The following HTRA3 variants were observed in gnomAD, a reference collection of about 807,000 sequenced individuals.
HTRA3 encodes serine protease HTRA3.
In HTRA3, 41 loss-of-function variants were observed where a neutral mutation model predicts 43.2. The ratio of observed to expected loss-of-function variants is 0.95; its 90% CI spans 0.74 to 1.23. The LOEUF (loss-of-function observed/expected upper bound fraction) is 1.23. Among genes scored for constraint, HTRA3 ranks in the 50% most tolerant of loss-of-function variants. HTRA3 has a pLI of 0.00. For synonymous variants in HTRA3, 295 were observed against 287.9 expected (o/e 1.02, Z -0.25); for missense variants, 628 against 647.1 (o/e 0.97, Z 0.32).
chr4:8,270,116 T>C lies in HTRA3; in HGVS notation c.148T>C (p.Cys50Arg). ...CGGCTACGTGCCCGACCTCTGCAACTGCTGCCTGGTGTGCGCCGCCAGCGA... is the reference window on the plus strand; with the variant it reads ...CGGCTACGTGCCCGACCTCTGCAACCGCTGCCTGGTGTGCGCCGCCAGCGA... ...PGGYVPDLCN[C>R]CLVCAASEGE... Residue 50 changes from cysteine to arginine, a missense_variant, in exon 1 of 9, where the codon TGC becomes CGC. By Grantham distance (180) the Cys-to-Arg change is radical (BLOSUM62 -3). Transcript: ENST00000307358. The C allele has an allele frequency of 6.5e-7, 1 of 1,544,540 alleles. No homozygotes were observed. Among genetic ancestry groups the C allele is most frequent in the Non-Finnish European group, 8.6e-7 (1 of 1,157,368 alleles).
chr4:8,282,738 T>G (rs1189185311), intron 2 of HTRA3, among the ~76,000 whole-genome samples: 4 of 152,250 alleles, frequency 2.6e-5, no homozygotes, highest in Admixed American at 1.3e-4. Flanking sequence ...ACTCCGCACC[T>G]GCTGGAGCTG....
At chr4:8,283,054 A>G (rs1712819522) in intron 2 of HTRA3, among the ~76,000 whole-genome samples, 1 of 152,162 alleles carries the variant, frequency 6.6e-6, no homozygotes, top group Admixed American at 6.5e-5. Flanking sequence ...GCTCGCAAGC[A>G]CCGAGGCCCG....
chr4:8,275,020 G>A (rs1186923459), intron 1 of HTRA3, among the ~76,000 whole-genome samples: 1 of 152,162 alleles, frequency 6.6e-6, no homozygotes, highest in Non-Finnish European at 1.5e-5. Flanking sequence ...GCAAGATGAC[G>A]CCTCCCCTCC....
chr4:8,285,360 G>A (rs957709806), intron 2 of HTRA3, among the ~76,000 whole-genome samples: 1 of 152,172 alleles, frequency 6.6e-6, no homozygotes, highest in Admixed American at 6.5e-5. Context: ...GGTGGCATTC[G>A]CTGCCATCTC....
Position 8,301,132 on chromosome 4 carries a change from CTCT to C in HTRA3, c.1052-1329_1052-1327del, listed in dbSNP as rs572718844. Among the ~76,000 whole-genome samples, 54 of 131,152 alleles carry C rather than the reference CTCT, an allele frequency of 4.1e-4. No individual in the cohort carries two copies. The South Asian group carries it at 6.1e-3, about 15-fold the overall frequency. The allele number at this position is 131,152 out of a possible 152,430, so 86.0% of individuals were successfully genotyped here. A position where few individuals can be genotyped will look rare whatever the true frequency, so the allele number is the denominator to read the frequency against. ...ACACTCTCAGCTTTATTGAGTCACA[CTCT>C]TATTAGATTCACACTCTTTATTGAC... is the stretch of plus-strand genomic sequence containing the variant. On this transcript the variant is annotated intron_variant, in intron 6 of 8. Coordinates refer to ENST00000307358, the MANE Select transcript of HTRA3 (RefSeq NM_053044.5).
Position 8,295,691 on chromosome 4 carries a change from C to A in HTRA3, c.1051+1490C>A. 1 of 1,420,800 alleles carries A rather than the reference C, an allele frequency of 7.0e-7. No individual in the cohort carries two copies. Among genetic ancestry groups the A allele is most frequent in the Non-Finnish European group, 9.2e-7 (1 of 1,085,352 alleles). 88.0% of individuals were successfully genotyped at this position (1,420,800 alleles called of 1,614,324 possible). A position where few individuals can be genotyped will look rare whatever the true frequency, so the allele number is the denominator to read the frequency against. On this transcript the variant is annotated intron_variant, in intron 6 of 8. Transcript: ENST00000307358. This position sits in a 1 kb window ranked among gnomAD's most constrained non-coding sequence, Gnocchi z 6.9. The stretch of plus-strand genomic sequence containing the variant: ...TTCCACATTGCTTTGCTGTCTCCTC[C>A]CAGCCCCCTCACTGGCAGTTCATTG...
At position 8,288,879 on chromosome 4, in the gene HTRA3, TTCCTTCCTTCCTTCCGTCCG is replaced by T. The variant is rs1202628339; in HGVS notation, c.708+2112_708+2131del. Among the ~76,000 whole-genome samples, 39 of 72,850 alleles carry T rather than the reference TTCCTTCCTTCCTTCCGTCCG, an allele frequency of 5.4e-4. 1 individual carries two copies. The highest frequency in any genetic ancestry group is 2.0e-3 in the South Asian group (3 of 1,474). The allele number at this position is 72,850 out of a possible 152,430, so 47.8% of individuals were successfully genotyped here. On this transcript the variant is annotated intron_variant, in intron 3 of 8. Transcript: ENST00000307358. The stretch of plus-strand genomic sequence containing the variant: ...AGCCACTGCACCCCACCCCCAAATT[TTCCTTCCTTCCTTCCGTCCG>T]TCCTTCCTTCCTTCCTTCCTTCCTT...
chr4:8,291,554 C>T lies in HTRA3; in HGVS notation c.893C>T (p.Ala298Val), dbSNP rs536065217. The T allele has an allele frequency of 2.5e-6, 4 of 1,588,112 alleles. No homozygotes were observed. The Admixed American group carries it at 5.2e-5, about 21-fold the overall frequency. The change falls in exon 4 of 9, where the codon GCC (alanine) becomes GTC (valine). Residue 298 changes from alanine to valine, a missense_variant. Ala to Val is a moderately conservative substitution (Grantham distance 64). Coordinates refer to ENST00000307358, the MANE Select transcript of HTRA3 (RefSeq NM_053044.5). Reference sequence around the variant, plus strand: ...GACATGGACTACATCCAGACGGATGCCATCATCAACGTGAGTCCCAGGGAC... The same window carrying T: ...GACATGGACTACATCCAGACGGATGTCATCATCAACGTGAGTCCCAGGGAC... ...DSDMDYIQTD[A>V]IINYGNSGGP...
At chr4:8,277,502 G>C (rs947475619) in intron 1 of HTRA3, among the ~76,000 whole-genome samples, 2 of 152,226 alleles carry the variant, frequency 1.3e-5, no homozygotes, top group African/African-American at 2.4e-5. Context: ...CCCAGAAGGA[G>C]AGGTGGATCA....
Position 8,286,073 on chromosome 4 carries a change from C to A in HTRA3, c.486-488C>A, listed in dbSNP as rs1712954647. On this transcript the variant is annotated intron_variant, in intron 2 of 8. Coordinates refer to ENST00000307358, the MANE Select transcript of HTRA3 (RefSeq NM_053044.5). This position sits in a 1 kb window ranked among gnomAD's most constrained non-coding sequence, Gnocchi z 4.9. Reference sequence around the variant, plus strand: ...TTTTCCCCTAGGGCCAATTATTGTCCTGTTTGTTGAGAGGCGTTTTAGAGC... The same window carrying A: ...TTTTCCCCTAGGGCCAATTATTGTCATGTTTGTTGAGAGGCGTTTTAGAGC... Among the ~76,000 whole-genome samples the A allele has an allele frequency of 1.3e-5, 2 of 152,190 alleles. No homozygotes were observed. Among genetic ancestry groups the A allele is most frequent in the Admixed American group, 6.5e-5 (1 of 15,284 alleles).
Position 8,306,087 on chromosome 4 carries a change from G to T in HTRA3, c.1313G>T (p.Arg438Leu), listed in dbSNP as rs369124292. 7 of 1,609,166 alleles carry T rather than the reference G, an allele frequency of 4.4e-6. No individual in the cohort carries two copies. The Admixed American group carries it at 1.2e-4, about 27-fold the overall frequency. Residue 438 changes from arginine (R) to leucine (L), a missense_variant, in exon 9 of 9, where the codon CGG becomes CTG. Transcript: ENST00000307358. The surrounding 1 kb of genome is among the most constrained non-coding windows in gnomAD (Gnocchi z 8.9). ...TCTCCTCTCCTACTGGAGGTGCGGC[G>T]GGGGAACGACGACCTCCTCTTCAGC... The part of the protein sequence containing the change: ...TESPLLLEVR[R>L]GNDDLLFSIA...
At position 8,291,653 on chromosome 4, in the gene HTRA3, TC is replaced by T. The variant is rs1713248008; in HGVS notation, c.903+93del. ...TGGTCTCTGACTCGGCTTGCCCCCC[TC>T]CCCAGAGCCATTCTGGCACTCGACA... On this transcript the variant is annotated intron_variant, in intron 4 of 8. Coordinates refer to ENST00000307358, the MANE Select transcript of HTRA3 (RefSeq NM_053044.5). The T allele has an allele frequency of 7.6e-6, 7 of 916,562 alleles. No homozygotes were observed. In the South Asian group the frequency reaches 1.0e-4, roughly 14 times the overall value. 56.8% of individuals were successfully genotyped at this position (916,562 alleles called of 1,614,324 possible). A position where few individuals can be genotyped will look rare whatever the true frequency, so the allele number is the denominator to read the frequency against.
rs1713504759 is a variant in HTRA3, at chr4:8,297,760, G to A, written c.1051+3559G>A. Reference sequence around the variant, plus strand: ...ACCCCCTGGATTTAGAAGCCACCTAGAGAGTGATCCCCCGGATTTACGCCT... The same window carrying A: ...ACCCCCTGGATTTAGAAGCCACCTAAAGAGTGATCCCCCGGATTTACGCCT... On this transcript the variant is annotated intron_variant, in intron 6 of 8. Transcript: ENST00000307358. This position sits in a 1 kb window ranked among gnomAD's most constrained non-coding sequence, Gnocchi z 5.8. Among the ~76,000 whole-genome samples the A allele has an allele frequency of 6.6e-6, 1 of 152,114 alleles. No homozygotes were observed.
At chr4:8,283,675 G>A (rs1712845514) in intron 2 of HTRA3, among the ~76,000 whole-genome samples, 1 of 152,226 alleles carries the variant, frequency 6.6e-6, no homozygotes, top group African/African-American at 2.4e-5. Context: ...ATTCCACCCT[G>A]ATAGGGATCA....
At chr4:8,272,100 C>T (rs75789184) in intron 1 of HTRA3, among the ~76,000 whole-genome samples, 4,145 of 152,264 alleles carry the variant, frequency 0.027, 170 homozygotes, top group African/African-American at 0.094. Flanking sequence ...CACCTCCCCA[C>T]CCCGCTCCCC....
rs963530436 is a variant in HTRA3 at position 8,286,250 on chromosome 4, G to A, written c.486-311G>A. ...TTAGCATCCTGGTCTGTCTGGCTCC[G>A]TGCTCCGTAGTCAGGATGGCGAGTG... On this transcript the variant is annotated intron_variant, in intron 2 of 8. Transcript: ENST00000307358. This position sits in a 1 kb window ranked among gnomAD's most constrained non-coding sequence, Gnocchi z 4.9. 1.4e-4 allele frequency among the ~76,000 whole-genome samples: 22 copies of A among 152,284 alleles called. No individual in the cohort carries two copies. The highest frequency in any genetic ancestry group is 3.9e-4 in the East Asian group (2 of 5,190).
chr4:8,273,404 A>C (rs1435464640), intron 1 of HTRA3, among the ~76,000 whole-genome samples: 1 of 152,066 alleles, frequency 6.6e-6, no homozygotes, highest in African/African-American at 2.4e-5. Context: ...CTGCCTGATG[A>C]GGGCAGCCTC....
Position 8,296,070 on chromosome 4 carries a change from C to T in HTRA3, c.1051+1869C>T. On this transcript the variant is annotated intron_variant, in intron 6 of 8. Coordinates refer to ENST00000307358, the MANE Select transcript of HTRA3 (RefSeq NM_053044.5). The surrounding 1 kb of genome is among the most constrained non-coding windows in gnomAD (Gnocchi z 5.3). ...GACCGAGTCTTTCCTGTTGAATTATCCCATTCTCCATGGGTGCCTTTGACT... is the reference window on the plus strand; with the variant it reads ...GACCGAGTCTTTCCTGTTGAATTATTCCATTCTCCATGGGTGCCTTTGACT... 1 of 1,069,076 alleles carries T rather than the reference C, an allele frequency of 9.4e-7. No individual in the cohort carries two copies. The highest frequency in any genetic ancestry group is 1.7e-5 in the African/African-American group (1 of 60,504). 66.2% of individuals were successfully genotyped at this position (1,069,076 alleles called of 1,614,324 possible).
At chr4:8,283,120 A>G (rs968661087) in intron 2 of HTRA3, among the ~76,000 whole-genome samples, 4 of 152,202 alleles carry the variant, frequency 2.6e-5, no homozygotes, top group Admixed American at 1.3e-4. Flanking sequence ...GAATCAGTGC[A>G]TGGATGAGTG....
Sources: gnomAD v4.1 joint callset for allele counts (sites outside exome capture counted in the v4.1 genomes callset) on GRCh38, gnomAD v4.1.1 for gene constraint, Gnocchi (gnomAD v3.1) non-coding constraint, MANE v1.5 for transcripts, NCBI Gene and HGNC (gene_info 2026-07-23, HGNC 2026-07-21) for gene names.